The following SAFB variants were observed in gnomAD, a reference collection of about 807,000 sequenced individuals.
SAFB encodes the protein scaffold attachment factor B1.
A neutral mutation model predicts 101.6 loss-of-function variants in SAFB; 15 were observed. The observed-to-expected ratio is 0.15, with a 90% CI of 0.10 to 0.23. SAFB has a LOEUF of 0.23. SAFB is among the 10% of genes least tolerant of loss of function. SAFB has a pLI of 1.00. For synonymous variants in SAFB, 449 were observed against 407.5 expected, an observed-to-expected ratio of 1.10 and a Z score of -1.23; for missense variants, 930 against 1,104.1, an observed-to-expected ratio of 0.84 and a Z score of 2.23.
chr19:5,630,366 T>C (rs1004093351), intron 2 of SAFB, among the ~76,000 whole-genome samples: 1 of 152,240 alleles, frequency 6.6e-6, no homozygotes, highest in South Asian at 2.1e-4. Context: ...TTCTATTGTT[T>C]TAATCTGTCA....
At chr19:5,661,379 G>T (rs1455051794) in intron 14 of SAFB, 139 bp from the exon 15 acceptor site, 1 of 1,457,932 alleles carries the variant, frequency 6.9e-7, no homozygotes, top group Non-Finnish European at 9.2e-7. Context: ...CCTTCTTCCC[G>T]CTGGAGTGTA....
At chr19:5,653,766 G>A (rs952096422) in intron 11 of SAFB, among the ~76,000 whole-genome samples, 2 of 150,730 alleles carry the variant, frequency 1.3e-5, no homozygotes, top group Non-Finnish European at 2.9e-5. Flanking sequence ...CCTGGCCGGG[G>A]CAGGGTGTTT....
At chr19:5,647,840 G>A (rs1030997428) in intron 5 of SAFB, among the ~76,000 whole-genome samples, 176 bp from the exon 6 acceptor site, 1 of 152,232 alleles carries the variant, frequency 6.6e-6, no homozygotes, top group Non-Finnish European at 1.5e-5. Context: ...GCTGAGTGAA[G>A]TGGATGCCAG....
intron 9 of SAFB, 49 bp from the exon 10 acceptor site, chr19:5,653,066 C>T (rs374192273): frequency 4.5e-5 from 73 of 1,606,076 alleles, no homozygotes; most frequent in African/African-American, 2.9e-4. Context: ...CCCCATGCCC[C>T]GCTCAGTGGG....
At chr19:5,639,899 A>G (rs1271945722) in intron 2 of SAFB, among the ~76,000 whole-genome samples, 2 of 151,966 alleles carry the variant, frequency 1.3e-5, no homozygotes, top group Non-Finnish European at 2.9e-5. Context: ...GTGCAACGGC[A>G]GGATCTCGGC....
intron 9 of SAFB, among the ~76,000 whole-genome samples, chr19:5,652,050 G>A (rs531556798): frequency 3.3e-5 from 5 of 152,208 alleles, no homozygotes; most frequent in Non-Finnish European, 5.9e-5. Flanking sequence ...GAAATTAGCC[G>A]GGCGTGGTGG....
chr19:5,663,813 G>A (rs992431837), intron 15 of SAFB, among the ~76,000 whole-genome samples: 3 of 152,164 alleles, frequency 2.0e-5, no homozygotes, highest in East Asian at 3.9e-4. Context: ...AACCGAGGCC[G>A]CTTTTCATCA....
intron 2 of SAFB, among the ~76,000 whole-genome samples, chr19:5,638,374 A>G (rs946531399): frequency 1.3e-5 from 2 of 152,176 alleles, no homozygotes; most frequent in Admixed American, 1.3e-4. Flanking sequence ...ACCAGAGTGC[A>G]GTGGCTCAAT....
chr19:5,663,995 C>T (rs1197176422), intron 15 of SAFB, 27 bp from the exon 16 acceptor site: 6 of 1,610,866 alleles, frequency 3.7e-6, no homozygotes, highest in Non-Finnish European at 4.2e-6. Context: ...GGGGATCCCT[C>T]TATCTCTGTC....
At chr19:5,663,010 A>T (rs529822004) in intron 15 of SAFB, among the ~76,000 whole-genome samples, 105 of 146,580 alleles carry the variant, frequency 7.2e-4, no homozygotes, top group Middle Eastern at 4.0e-3. Flanking sequence ...TTAAAAAAAA[A>T]TTTTTTTTTG....
At chr19:5,630,153 G>A (rs1406333796) in intron 2 of SAFB, among the ~76,000 whole-genome samples, 1 of 152,158 alleles carries the variant, frequency 6.6e-6, no homozygotes, top group African/African-American at 2.4e-5. Flanking sequence ...CTGTTACCTT[G>A]TTGCCTGTTA....
chr19:5,654,589 A>T (rs2054012369), intron 13 of SAFB, 133 bp downstream of exon 13: 1 of 689,456 alleles, frequency 1.5e-6, no homozygotes, highest in Non-Finnish European at 2.6e-6. Flanking sequence ...AGAAATCTCA[A>T]ACTATTTTTT....
At chr19:5,644,771 G>A (rs991762640) in intron 4 of SAFB, among the ~76,000 whole-genome samples, 5 of 152,182 alleles carry the variant, frequency 3.3e-5, no homozygotes, top group Middle Eastern at 3.2e-3. Flanking sequence ...GCCTTATTGG[G>A]CAGAGCCTAC....
chr19:5,666,691 G>T, intron 17 of SAFB: 1 of 324,458 alleles, frequency 3.1e-6, no homozygotes. Flanking sequence ...AGAGAATACT[G>T]TTGGCTCTGG....
intron 17 of SAFB, chr19:5,666,167 G>GA (rs1168977640): frequency 6.6e-6 from 1 of 152,226 alleles, no homozygotes; most frequent in Non-Finnish European, 1.5e-5. Context: ...GGTGGAAAGA[G>GA]AAAAAACAGG....
At chr19:5,661,378 C>T (rs573703242) in intron 14 of SAFB, 140 bp from the exon 15 acceptor site, 13 of 1,453,896 alleles carry the variant, frequency 8.9e-6, no homozygotes, top group Middle Eastern at 2.6e-4. Context: ...GCCTTCTTCC[C>T]GCTGGAGTGT....
intron 4 of SAFB, among the ~76,000 whole-genome samples, chr19:5,644,372 T>A (rs1298257959): frequency 6.6e-6 from 1 of 152,206 alleles, no homozygotes; most frequent in Non-Finnish European, 1.5e-5. Context: ...ATTAAGCACA[T>A]CTGTGTGAAC....
Position 5,668,194 on chromosome 19 carries a change from G to A in SAFB, c.2657G>A (p.Arg886Gln), listed in dbSNP as rs1351481343. The A allele has an allele frequency of 4.4e-6, 7 of 1,605,550 alleles. No individual in the cohort carries two copies. Among genetic ancestry groups the A allele is most frequent in the Admixed American group, 1.7e-5 (1 of 57,498 alleles). Reference sequence around the variant, plus strand: ...AGCTTTGCCCCAGGCGGGGCCTCCCGGGGCCACCCCATCCCACACGGTGGC... The same window carrying A: ...AGCTTTGCCCCAGGCGGGGCCTCCCAGGGCCACCCCATCCCACACGGTGGC... Reference protein sequence around the residue: ...RGSFAPGGASRGHPIPHGGMQ... With the variant: ...RGSFAPGGASQGHPIPHGGMQ... The change falls in exon 21 of 21, where the codon CGG (arginine) becomes CAG (glutamine). Residue 886 changes from arginine to glutamine, a missense_variant. By Grantham distance (43) the Arg-to-Gln change is conservative (BLOSUM62 1). Transcript: ENST00000588852.
intron 8 of SAFB, among the ~76,000 whole-genome samples, chr19:5,650,654 G>A (rs1316555572): frequency 1.3e-5 from 2 of 152,098 alleles, no homozygotes; most frequent in South Asian, 2.1e-4. Context: ...CTCGTGATTC[G>A]CCCACCTCAG....
Sources: gnomAD v4.1 joint callset for allele counts (sites outside exome capture counted in the v4.1 genomes callset) on GRCh38, gnomAD v4.1.1 for gene constraint, MANE v1.5 for transcripts, NCBI Gene and HGNC (gene_info 2026-07-23, HGNC 2026-07-21) for gene names.